The following DNAH10 variants were observed in gnomAD, a reference collection of about 807,000 sequenced individuals.
The protein encoded by DNAH10 is axonemal beta dynein heavy chain 10.
Under a neutral mutation model 506.6 loss-of-function variants are expected in DNAH10, and 348 were observed. That is an observed-to-expected ratio of 0.69 (90% CI 0.63 to 0.75). The LOEUF is 0.75. DNAH10 is among the 30% of genes least tolerant of loss of function. The pLI is 0.00. For missense variants in DNAH10, 5,179 were observed against 5,787.1 expected, an observed-to-expected ratio of 0.89 and a Z score of 3.41; for synonymous variants, 2,059 against 2,198.6, an observed-to-expected ratio of 0.94 and a Z score of 1.78.
At chr12:123,809,912 A>G (rs958522600) in intron 19 of DNAH10, among the ~76,000 whole-genome samples, 1 of 152,128 alleles carries the variant, frequency 6.6e-6, no homozygotes, top group African/African-American at 2.4e-5. Context: ...AAGGATCTCC[A>G]TAGCTGTTCC....
chr12:123,845,779 C>T lies in DNAH10; in HGVS notation c.5540C>T (p.Pro1847Leu), dbSNP rs200139938. 49 of 1,613,888 alleles carry T rather than the reference C, an allele frequency of 3.0e-5. No individual in the cohort carries two copies. The highest frequency in any genetic ancestry group is 1.5e-4 in the Admixed American group (9 of 60,024). ...IDELVTRITMPLSKNDRKKYN... is the reference protein window; with the variant it reads ...IDELVTRITMLLSKNDRKKYN... Reference sequence around the variant, plus strand: ...GAGTTGGTAACGCGCATCACCATGCCGCTAAGCAAAAACGACAGGAAAAAA... The same window carrying T: ...GAGTTGGTAACGCGCATCACCATGCTGCTAAGCAAAAACGACAGGAAAAAA... Residue 1847 changes from proline to leucine, a missense_variant, in exon 31 of 79, where the codon CCG becomes CTG. Pro to Leu is a moderately conservative substitution (Grantham distance 98). Transcript: ENST00000673944.
rs1958399854 is a variant in DNAH10 at position 123,799,371 on chromosome 12, G to A, written c.2289G>A (p.Lys763=). The A allele has an allele frequency of 2.5e-6, 4 of 1,611,484 alleles. No homozygotes were observed. In the African/African-American group the frequency reaches 5.3e-5, roughly 22 times the overall value. ...PALMKKSLLT[K]SSIATEEPST... ...TCATGAAGAAGAGCCTTTTGACCAA[G>A]GTGCGCTGCCCACGCCCTCATTCCC... The change falls in exon 14 of 79, where the codon AAG becomes AAA. Residue 763 remains lysine, a splice_region_variant and synonymous_variant. Transcript: ENST00000673944.
chr12:123,825,143 C>G (rs1276866482), intron 24 of DNAH10, among the ~76,000 whole-genome samples: 2 of 152,074 alleles, frequency 1.3e-5, no homozygotes, highest in African/African-American at 4.8e-5. Flanking sequence ...GCCAACTGCA[C>G]CAGATGCTGC....
At chr12:123,884,697 T>G (rs147832078) in intron 51 of DNAH10, among the ~76,000 whole-genome samples, 1 of 152,046 alleles carries the variant, frequency 6.6e-6, no homozygotes, top group African/African-American at 2.4e-5. Flanking sequence ...CAAAGGAATT[T>G]TGTGTGTGTG....
intron 28 of DNAH10, among the ~76,000 whole-genome samples, chr12:123,837,625 G>A (rs1232466022): frequency 1.3e-5 from 2 of 149,672 alleles, no homozygotes; most frequent in Admixed American, 1.3e-4. Context: ...TGCCCAAGCT[G>A]GAGTGCAGTG....
At chr12:123,929,863 CCT>C (rs1480427333) in intron 72 of DNAH10, 104 bp downstream of exon 72, 14 of 973,916 alleles carry the variant, frequency 1.4e-5, no homozygotes, top group African/African-American at 9.9e-5. Flanking sequence ...CTCTTCTGCC[CCT>C]GTGTTCCCCT....
At chr12:123,776,840 G>A (rs1012762935) in intron 5 of DNAH10, among the ~76,000 whole-genome samples, 5 of 152,050 alleles carry the variant, frequency 3.3e-5, no homozygotes, top group African/African-American at 4.8e-5. Context: ...CTGAGACAAG[G>A]TCTCTGCCTC....
chr12:123,867,504 A>G lies in DNAH10; in HGVS notation c.7205A>G (p.Tyr2402Cys). Residue 2402 changes from tyrosine to cysteine, a missense_variant, in exon 42 of 79, where the codon TAT becomes TGT. By Grantham distance (194) the Tyr-to-Cys change is radical. Coordinates refer to ENST00000673944, the MANE Select transcript of DNAH10 (RefSeq NM_001372106.1). The stretch of plus-strand genomic sequence containing the variant: ...AATTTGAATAGTCTCTTTGAGAAGT[A>G]TGTGCCCTATCTCATGGATGTGATA... ...QYNLNSLFEKYVPYLMDVIVE... is the reference protein window; with the variant it reads ...QYNLNSLFEKCVPYLMDVIVE... The G allele has an allele frequency of 1.2e-6, 2 of 1,613,948 alleles. No individual in the cohort carries two copies. The highest frequency in any genetic ancestry group is 8.5e-7 in the Non-Finnish European group (1 of 1,179,860).
At chr12:123,862,060 A>G (rs1488311277) in intron 39 of DNAH10, among the ~76,000 whole-genome samples, 2 of 152,158 alleles carry the variant, frequency 1.3e-5, no homozygotes, top group Non-Finnish European at 2.9e-5. Context: ...AATTAGATTC[A>G]GGCCATGGCT....
chr12:123,829,986 G>A (rs1230640194), intron 25 of DNAH10, among the ~76,000 whole-genome samples: 1 of 152,018 alleles, frequency 6.6e-6, no homozygotes, highest in Non-Finnish European at 1.5e-5. Flanking sequence ...ACCTCCTCTG[G>A]CACACTGCAG....
chr12:123,819,778 C>T (rs1358704501), intron 23 of DNAH10, among the ~76,000 whole-genome samples: 4 of 146,776 alleles, frequency 2.7e-5, no homozygotes, highest in Non-Finnish European at 4.5e-5. Flanking sequence ...AATCTCAGCT[C>T]ACCGCAACCT....
chr12:123,929,376 G>A lies in DNAH10; in HGVS notation c.12408G>A (p.Lys4136=), dbSNP rs1030309829. ...MLDQCPHPAF[K]PLVYVLAFFH... is the part of the protein sequence containing the mutation. Reference sequence around the variant, plus strand: ...ACCAGTGCCCGCACCCTGCCTTCAAGCCGCTGGTCTACGTGCTGGCGTTCT... The same window carrying A: ...ACCAGTGCCCGCACCCTGCCTTCAAACCGCTGGTCTACGTGCTGGCGTTCT... Residue 4136 remains lysine, a synonymous_variant, in exon 71 of 79, where the codon AAG becomes AAA. Transcript: ENST00000673944. 1 of 1,612,660 alleles carries A rather than the reference G, an allele frequency of 6.2e-7. No homozygotes were observed. Among genetic ancestry groups the A allele is most frequent in the Non-Finnish European group, 8.5e-7 (1 of 1,179,352 alleles).
intron 39 of DNAH10, 111 bp from the exon 40 acceptor site, chr12:123,864,484 G>A: frequency 7.0e-7 from 1 of 1,435,084 alleles, no homozygotes; most frequent in Non-Finnish European, 9.3e-7. Context: ...CTCAGATACT[G>A]GGTAGAAAAC....
In DNAH10 at chr12:123,932,045, C is replaced by A. The variant is rs978588451; in HGVS notation, c.13233C>A (p.Thr4411=). The change falls in exon 76 of 79, where the codon ACC becomes ACA. Residue 4411 remains threonine, a synonymous_variant. Transcript: ENST00000673944. The part of the protein sequence containing the change: ...PNIWRRLAPD[T]LKSLGNWMVY... Reference sequence around the variant, plus strand: ...TCTGGAGAAGGCTTGCTCCTGACACCTTAAAGTCCCTTGGAAACTGGATGG... The same window carrying A: ...TCTGGAGAAGGCTTGCTCCTGACACATTAAAGTCCCTTGGAAACTGGATGG... 1.2e-6 allele frequency: 2 copies of A among 1,613,996 alleles called. No individual in the cohort carries two copies. Among genetic ancestry groups the A allele is most frequent in the African/African-American group, 2.7e-5 (2 of 75,028 alleles).
chr12:123,826,327 G>A (rs1959988385), intron 24 of DNAH10, among the ~76,000 whole-genome samples: 1 of 152,138 alleles, frequency 6.6e-6, no homozygotes, highest in Non-Finnish European at 1.5e-5. Flanking sequence ...AAAGAAGCAA[G>A]CTATGACAGC....
At chr12:123,873,451 T>C in intron 45 of DNAH10, 107 bp from the exon 46 acceptor site, 1 of 1,345,972 alleles carries the variant, frequency 7.4e-7, no homozygotes, top group Admixed American at 2.6e-5. Context: ...AAAAGTTAGT[T>C]CAGAGGCCAA....
At chr12:123,889,837 C>T (rs1005910057) in intron 52 of DNAH10, among the ~76,000 whole-genome samples, 1 of 152,152 alleles carries the variant, frequency 6.6e-6, no homozygotes, top group Non-Finnish European at 1.5e-5. Context: ...CCAGAGCTTC[C>T]TGGGGACACT....
rs1454147920 is a variant in DNAH10 at position 123,853,273 on chromosome 12, A to G, written c.6359A>G (p.Tyr2120Cys). ...AREQLSKQYH[Y>C]DFGLRALKSV... ...GAGCAGCTGTCCAAGCAGTATCACT[A>G]TGATTTTGGACTCAGAGCCCTGAAA... Residue 2120 changes from tyrosine (Y) to cysteine (C), a missense_variant, in exon 36 of 79, where the codon TAT becomes TGT. By Grantham distance (194) the Tyr-to-Cys change is radical. Coordinates refer to ENST00000673944, the MANE Select transcript of DNAH10 (RefSeq NM_001372106.1). The surrounding 1 kb of genome is among the most constrained non-coding windows in gnomAD (Gnocchi z 4.7). 3 of 1,611,508 alleles carry G rather than the reference A, an allele frequency of 1.9e-6. No homozygotes were observed. Among genetic ancestry groups the G allele is most frequent in the Non-Finnish European group, 1.7e-6 (2 of 1,178,852 alleles).
rs2136656809 is a variant in DNAH10 at position 123,845,653 on chromosome 12, T to C, written c.5414T>C (p.Val1805Ala). Reference sequence around the variant, plus strand: ...ATGGTGGTGCTGGCCGCTAGCCAGGTGTGGTGGACCTGGGAGGTGGAAGAC... The same window carrying C: ...ATGGTGGTGCTGGCCGCTAGCCAGGCGTGGTGGACCTGGGAGGTGGAAGAC... Reference protein sequence around the residue: ...QGMVVLAASQVWWTWEVEDVF... With the variant: ...QGMVVLAASQAWWTWEVEDVF... The change falls in exon 31 of 79, where the codon GTG becomes GCG. Residue 1805 changes from valine (V) to alanine (A), a missense_variant. This residue lies in a region of DNAH10 where 4,844 missense variants were observed against 5,430.5 expected (regional missense o/e 0.89). Coordinates refer to ENST00000673944, the MANE Select transcript of DNAH10 (RefSeq NM_001372106.1). The C allele has an allele frequency of 6.2e-7, 1 of 1,613,530 alleles. No individual in the cohort carries two copies. Among genetic ancestry groups the C allele is most frequent in the Non-Finnish European group, 8.5e-7 (1 of 1,179,834 alleles).
Sources: allele counts gnomAD v4.1 joint callset (sites outside exome capture counted in the v4.1 genomes callset), GRCh38; gene constraint gnomAD v4.1.1; regional missense constraint gnomAD v4.1.1; non-coding constraint Gnocchi (gnomAD v3.1); transcripts MANE v1.5; gene names NCBI Gene and HGNC (gene_info 2026-07-23, HGNC 2026-07-21).